The following NFIB variants were observed in gnomAD, a reference collection of about 807,000 sequenced individuals.
NFIB encodes nuclear factor 1 B-type.
Under a neutral mutation model 61.5 loss-of-function variants are expected in NFIB, and 11 were observed. That is an observed-to-expected ratio of 0.18 (90% CI 0.11 to 0.30). The LOEUF is 0.30. Ranked by LOEUF, NFIB falls within the 10% of genes least tolerant of loss-of-function variation. NFIB has a pLI of 1.00. For missense variants in NFIB, 471 were observed against 608.9 expected (o/e 0.77, Z 2.38); for synonymous variants, 260 against 216.5 (o/e 1.20, Z -1.76).
chr9:14,454,495 G>A, the NFIB span, among the ~76,000 whole-genome samples: 1 of 152,170 alleles, frequency 6.6e-6, no homozygotes, highest in Non-Finnish European at 1.5e-5. Flanking sequence ...CCTAGTGGTA[G>A]TGAAAACAGG....
intron 3 of NFIB, among the ~76,000 whole-genome samples, chr9:14,172,979 A>G (rs1255600343): frequency 6.6e-6 from 1 of 152,194 alleles, no homozygotes; most frequent in East Asian, 1.9e-4. Flanking sequence ...TATGTTGGCC[A>G]GGCTGGTCTC....
At chr9:14,422,658 G>C in the NFIB span, among the ~76,000 whole-genome samples, 1 of 152,228 alleles carries the variant, frequency 6.6e-6, no homozygotes, top group East Asian at 1.9e-4. Flanking sequence ...GAAGGATTCA[G>C]ATTGGCTCAG....
In NFIB at chr9:14,087,210, G is replaced by T; in HGVS notation, c.*1099C>A. The T allele has an allele frequency of 4.9e-6, 1 of 202,762 alleles. No individual in the cohort carries two copies. Among genetic ancestry groups the T allele is most frequent in the East Asian group, 7.6e-5 (1 of 13,162 alleles). The allele number at this position is 202,762 out of a possible 1,614,324, so 12.6% of individuals were successfully genotyped here. A position where few individuals can be genotyped will look rare whatever the true frequency, so the allele number is the denominator to read the frequency against. ...ATAAATAAATTCTACCTCCAAGGAG[G>T]CTGCAGCTAAACCAACATAAGTGCT... On this transcript the variant is annotated 3_prime_UTR_variant, in exon 11 of 11. Coordinates refer to ENST00000380953, the MANE Select transcript of NFIB (RefSeq NM_001190737.2).
intron 2 of NFIB, among the ~76,000 whole-genome samples, chr9:14,240,136 A>G (rs1008606824): frequency 4.6e-5 from 7 of 152,168 alleles, no homozygotes; most frequent in African/African-American, 1.2e-4. Context: ...AATTGCATAC[A>G]TAAAAGTTCC....
At chr9:14,476,666 T>A in the NFIB span, among the ~76,000 whole-genome samples, 1 of 152,172 alleles carries the variant, frequency 6.6e-6, no homozygotes, top group Non-Finnish European at 1.5e-5. Context: ...AATTTAGTCA[T>A]CTGTACAAAC....
intron 2 of NFIB, among the ~76,000 whole-genome samples, chr9:14,262,954 T>G (rs1476418304): frequency 6.6e-6 from 1 of 152,148 alleles, no homozygotes; most frequent in Non-Finnish European, 1.5e-5. Flanking sequence ...CATAAATCCC[T>G]TGAACTAAAC....
At chr9:14,288,500 T>C (rs1056298023) in intron 2 of NFIB, among the ~76,000 whole-genome samples, 32 of 152,076 alleles carry the variant, frequency 2.1e-4, no homozygotes, top group Non-Finnish European at 4.4e-4. Flanking sequence ...CAATGCCAAA[T>C]GCAGTTAATT....
At chr9:14,388,249 T>A (rs575135276) in intron 1 of NFIB, among the ~76,000 whole-genome samples, 1 of 152,128 alleles carries the variant, frequency 6.6e-6, no homozygotes, top group African/African-American at 2.4e-5. Context: ...GGTATGCACC[T>A]GTAGTCCCAG....
chr9:14,110,884 G>T (rs2037251972), intron 10 of NFIB, among the ~76,000 whole-genome samples: 1 of 152,022 alleles, frequency 6.6e-6, no homozygotes. Context: ...GCATATATGG[G>T]CTTCTTCAAA....
At chr9:14,315,525 G>A (rs2060502731), upstream of NFIB, among the ~76,000 whole-genome samples, 2 of 141,358 alleles carry the variant, frequency 1.4e-5, no homozygotes, top group South Asian at 4.3e-4. Context: ...GCGGGGCCGC[G>A]GCGCGCCCGG....
exon 1 of NFIB, chr9:14,398,698 G>T (rs2061712690): frequency 8.7e-7 from 1 of 1,149,136 alleles, no homozygotes; most frequent in Non-Finnish European, 1.2e-6. Context: ...GTTTTAGAAT[G>T]TTTGCTCCAG....
chr9:14,345,328 A>C (rs987500011), intron 1 of NFIB, among the ~76,000 whole-genome samples: 1 of 152,140 alleles, frequency 6.6e-6, no homozygotes, highest in Non-Finnish European at 1.5e-5. Flanking sequence ...ATTTTAAAAC[A>C]TCCCCAAATT....
At chr9:14,294,594 G>A (rs1319017279) in intron 2 of NFIB, among the ~76,000 whole-genome samples, 1 of 152,144 alleles carries the variant, frequency 6.6e-6, no homozygotes, top group African/African-American at 2.4e-5. Context: ...TTATCAAAAA[G>A]AAAAGGAATG....
intron 10 of NFIB, among the ~76,000 whole-genome samples, chr9:14,099,494 G>C (rs910339975): frequency 6.6e-6 from 1 of 152,042 alleles, no homozygotes; most frequent in Non-Finnish European, 1.5e-5. Flanking sequence ...AAAAAAGATG[G>C]ATAAAGCTAT....
chr9:14,175,167 C>CT (rs55765054), intron 3 of NFIB, among the ~76,000 whole-genome samples: 111 of 126,020 alleles, frequency 8.8e-4, no homozygotes, highest in East Asian at 4.1e-3. Context: ...TAAAGAATTT[C>CT]TTTTTTTTTT....
At chr9:14,514,302 A>G in the NFIB span, among the ~76,000 whole-genome samples, 124,946 of 151,000 alleles carry the variant, frequency 0.83, 51,948 homozygotes, top group Admixed American at 0.9. Context: ...TCTTTGGAAC[A>G]CACACATACA....
At chr9:14,111,702 T>C (rs1459309126) in intron 10 of NFIB, among the ~76,000 whole-genome samples, 2 of 152,236 alleles carry the variant, frequency 1.3e-5, no homozygotes, top group African/African-American at 4.8e-5. Flanking sequence ...GAGAATTATG[T>C]TGAGAAGCCA....
chr9:14,144,033 T>TGTGTGTG (rs55863803), intron 6 of NFIB, among the ~76,000 whole-genome samples: 11 of 149,968 alleles, frequency 7.3e-5, no homozygotes, highest in Non-Finnish European at 1.2e-4. Flanking sequence ...TGTGTGTGTG[T>TGTGTGTG]TTAAAATGCA....
intron 2 of NFIB, among the ~76,000 whole-genome samples, chr9:14,182,769 G>A (rs1270516813): frequency 7.4e-6 from 1 of 136,010 alleles, no homozygotes; most frequent in African/African-American, 2.8e-5. Flanking sequence ...TATTTAATAT[G>A]TTACAGTGAA....
Sources: gnomAD v4.1 joint callset for allele counts (sites outside exome capture counted in the v4.1 genomes callset) on GRCh38, gnomAD v4.1.1 for gene constraint, MANE v1.5 for transcripts, NCBI Gene and HGNC (gene_info 2026-07-23, HGNC 2026-07-21) for gene names.